CERS3: variants seen among roughly 807,000 people sequenced by gnomAD.
CERS3 encodes LAG1 homolog, ceramide synthase 3.
A neutral mutation model predicts 50.3 loss-of-function variants in CERS3; 33 were observed. The ratio of observed to expected loss-of-function variants is 0.66; its 90% CI spans 0.50 to 0.88. CERS3 has a LOEUF of 0.88. CERS3 is among the 40% of genes least tolerant of loss of function. The pLI is 0.00. For synonymous variants in CERS3, 176 were observed against 155.2 expected (o/e 1.13, Z -0.99); for missense variants, 470 against 460.3 (o/e 1.02, Z -0.19).
In CERS3 at chr15:100,473,021, G is replaced by A; in HGVS notation, c.641C>T (p.Ala214Val). Reference sequence around the variant, plus strand: ...AGAGAAGCTCATCAGACTAATAGCAGCCAGGTGGTGGATGATATGAGCTAG... The same window carrying A: ...AGAGAAGCTCATCAGACTAATAGCAACCAGGTGGTGGATGATATGAGCTAG... ...DFLAHIIHHL[A>V]AISLMSFSWC... The change falls in exon 9 of 12, where the codon GCT becomes GTT. Residue 214 changes from alanine to valine, a missense_variant. Ala to Val is a moderately conservative substitution (Grantham distance 64, BLOSUM62 0). Transcript: ENST00000679737. 2 of 1,613,764 alleles carry A rather than the reference G, an allele frequency of 1.2e-6. No homozygotes were observed. Among genetic ancestry groups the A allele is most frequent in the Non-Finnish European group, 1.7e-6 (2 of 1,179,878 alleles).
chr15:100,469,623 T>C lies in CERS3; in HGVS notation c.739-139A>G, dbSNP rs1043600446. On this transcript the variant is annotated intron_variant, in intron 9 of 11. Transcript: ENST00000679737. ...AAAGTAGGGGGTACAGGTGGGGCAA[T>C]AGATAAAACAAGACTGGCCATATTG... The C allele has an allele frequency of 8.1e-6, 5 of 616,086 alleles. 1 individual carries two copies. The highest frequency in any genetic ancestry group is 5.7e-5 in the Admixed American group (2 of 34,844). 38.2% of individuals were successfully genotyped at this position (616,086 alleles called of 1,614,324 possible).
intron 1 of CERS3, among the ~76,000 whole-genome samples, chr15:100,525,374 T>C (rs1211610143): frequency 1.3e-5 from 2 of 152,216 alleles, no homozygotes; most frequent in African/African-American, 4.8e-5. Context: ...TATATTTAAG[T>C]AGCAGGAAGA....
rs560587433 is a variant in CERS3 at position 100,403,812 on chromosome 15, A to G, written c.1000-947T>C. The stretch of plus-strand genomic sequence containing the variant: ...TACACTGGTAAATTCTATGAAACAC[A>G]CAAAGGAGAAATAACACAAAACATC... On this transcript the variant is annotated intron_variant, in intron 11 of 11. Transcript: ENST00000679737. 1.8e-3 allele frequency among the ~76,000 whole-genome samples: 276 copies of G among 152,360 alleles called. 1 individual carries two copies. The highest frequency in any genetic ancestry group is 6.4e-3 in the African/African-American group (266 of 41,578).
Position 100,540,505 on chromosome 15 carries a change from T to C in CERS3, c.-355+4146A>G, listed in dbSNP as rs977481410. Among the ~76,000 whole-genome samples, 6 of 152,206 alleles carry C rather than the reference T, an allele frequency of 3.9e-5. No homozygotes were observed. The East Asian group carries it at 1.2e-3, about 29-fold the overall frequency. On this transcript the variant is annotated intron_variant, in intron 1 of 12. Transcript: ENST00000284382. The stretch of plus-strand genomic sequence containing the variant: ...GTTGCAGTGAGCTGAAATCGTGCCA[T>C]TGCACTCCAGCCTGGGTGACAGAGC...
At chr15:100,428,953 G>A (rs1398944786) in intron 11 of CERS3, among the ~76,000 whole-genome samples, 1 of 152,186 alleles carries the variant, frequency 6.6e-6, no homozygotes, top group Non-Finnish European at 1.5e-5. Context: ...AAGAAACAAC[G>A]TGGGCAGAGG....
chr15:100,474,710 G>T (rs534951503), intron 8 of CERS3, among the ~76,000 whole-genome samples: 2 of 152,328 alleles, frequency 1.3e-5, no homozygotes, highest in South Asian at 2.1e-4. Context: ...GCCTCAGGAA[G>T]TATTTTATAC....
At chr15:100,511,085 T>C (rs2411832) in intron 2 of CERS3, among the ~76,000 whole-genome samples, 145,358 of 152,056 alleles carry the variant, frequency 0.96, 69,539 homozygotes, top group East Asian at 0.98. Flanking sequence ...GTCAGGAGTT[T>C]GAGGACCAGG....
At position 100,416,647 on chromosome 15, in the gene CERS3, A is replaced by G. The variant is rs140366619; in HGVS notation, c.1000-13782T>C. ...GAGAGAGAAGAGTGAGCAATAAAGG[A>G]GGAAGAGCCCCTTATAAAACCATCA... On this transcript the variant is annotated intron_variant, in intron 11 of 11. Coordinates refer to ENST00000679737, the MANE Select transcript of CERS3 (RefSeq NM_001378789.1). Among the ~76,000 whole-genome samples, 669 of 152,312 alleles carry G rather than the reference A, an allele frequency of 4.4e-3. 7 individuals are homozygous for G. Among genetic ancestry groups the G allele is most frequent in the African/African-American group, 0.015 (633 of 41,560 alleles).
intron 8 of CERS3, among the ~76,000 whole-genome samples, chr15:100,474,198 A>C (rs768946824): frequency 6.6e-6 from 1 of 152,178 alleles, no homozygotes; most frequent in Non-Finnish European, 1.5e-5. Context: ...AATGTTCTAA[A>C]ATTGACTGTG....
At chr15:100,506,094 T>A (rs377709500) in intron 2 of CERS3, among the ~76,000 whole-genome samples, 2 of 109,488 alleles carry the variant, frequency 1.8e-5, no homozygotes, top group African/African-American at 3.6e-5. Flanking sequence ...AAACAAACAA[T>A]CAACAACCAA....
intron 3 of CERS3, among the ~76,000 whole-genome samples, chr15:100,496,541 C>T (rs1249274987): frequency 6.6e-6 from 1 of 152,146 alleles, no homozygotes; most frequent in Non-Finnish European, 1.5e-5. Flanking sequence ...AGGGTATTAA[C>T]TGAAAGCATT....
intron 11 of CERS3, among the ~76,000 whole-genome samples, chr15:100,416,065 A>G (rs574201798): frequency 3.2e-4 from 49 of 152,358 alleles, no homozygotes; most frequent in Non-Finnish European, 5.4e-4. Flanking sequence ...ATACTACCCA[A>G]AGCAACTTAT....
chr15:100,497,068 G>C (rs2035836280), intron 3 of CERS3, among the ~76,000 whole-genome samples: 1 of 152,100 alleles, frequency 6.6e-6, no homozygotes, highest in South Asian at 2.1e-4. Context: ...AAAGGTCTTA[G>C]TGCAATACCA....
intron 11 of CERS3, among the ~76,000 whole-genome samples, chr15:100,406,525 C>T (rs1007974430): frequency 2.0e-5 from 3 of 152,258 alleles, no homozygotes; most frequent in South Asian, 2.1e-4. Context: ...TCTGTATGTT[C>T]GGTGCTTTTC....
At chr15:100,503,859 C>T (rs1225504351) in intron 2 of CERS3, 3 of 421,410 alleles carry the variant, frequency 7.1e-6, no homozygotes, top group Non-Finnish European at 1.5e-5. Context: ...CTGTGGGATG[C>T]AAATCGGGTA....
chr15:100,480,109 G>T, intron 5 of CERS3, 63 bp from the exon 6 acceptor site: 1 of 1,211,768 alleles, frequency 8.3e-7, no homozygotes, highest in Non-Finnish European at 1.2e-6. Flanking sequence ...AGGAGAAAAT[G>T]ATTAGGTATG....
At chr15:100,488,940 C>T (rs1357065294) in intron 4 of CERS3, among the ~76,000 whole-genome samples, 1 of 152,140 alleles carries the variant, frequency 6.6e-6, no homozygotes. Flanking sequence ...CCACGCCCAG[C>T]TAATTTTTGT....
intron 11 of CERS3, among the ~76,000 whole-genome samples, chr15:100,424,735 C>A (rs1021022852): frequency 6.6e-6 from 1 of 152,274 alleles, no homozygotes; most frequent in East Asian, 1.9e-4. Context: ...TGTTCTGAAA[C>A]TGGAATTTAT....
At chr15:100,473,709 A>G (rs1803363218) in intron 8 of CERS3, among the ~76,000 whole-genome samples, 1 of 152,234 alleles carries the variant, frequency 6.6e-6, no homozygotes, top group Non-Finnish European at 1.5e-5. Flanking sequence ...GGGATGCAAA[A>G]TGGTGTAGCT....
Sources: allele counts gnomAD v4.1 joint callset (sites outside exome capture counted in the v4.1 genomes callset), GRCh38; gene constraint gnomAD v4.1.1; transcripts MANE v1.5; gene names NCBI Gene and HGNC (gene_info 2026-07-23, HGNC 2026-07-21).